The following CDH4 variants were observed in gnomAD, a reference collection of about 807,000 sequenced individuals.
CDH4 encodes cadherin 4, also known as cadherin-4.
A neutral mutation model predicts 86.0 loss-of-function variants in CDH4; 33 were observed. That is an observed-to-expected ratio of 0.38 (90% confidence interval 0.29 to 0.51). CDH4 has a LOEUF of 0.51. Ranked by LOEUF, CDH4 falls within the 20% of genes least tolerant of loss-of-function variation. CDH4 has a pLI of 0.86. For synonymous variants in CDH4, 555 were observed against 549.4 expected, an observed-to-expected ratio of 1.01 and a Z score of -0.14; for missense variants, 1,114 against 1,307.4, an observed-to-expected ratio of 0.85 and a Z score of 2.28.
chr20:61,509,871 A>G (rs2085767189), intron 2 of CDH4, among the ~76,000 whole-genome samples: 1 of 152,098 alleles, frequency 6.6e-6, no homozygotes, highest in South Asian at 2.1e-4. Flanking sequence ...CAAGCTCTCT[A>G]TGCAGCTGGC....
chr20:61,875,917 G>A lies in CDH4; in HGVS notation c.1050+2017G>A, dbSNP rs571706774. Among the ~76,000 whole-genome samples, 15 of 142,928 alleles carry A rather than the reference G, an allele frequency of 1.0e-4. No homozygotes were observed. The South Asian group carries it at 3.1e-3, about 30-fold the overall frequency. 93.8% of individuals were successfully genotyped at this position (142,928 alleles called of 152,430 possible). A position where few individuals can be genotyped will look rare whatever the true frequency, so the allele number is the denominator to read the frequency against. On this transcript the variant is annotated intron_variant, in intron 7 of 15. Transcript: ENST00000614565. ...CCGCCTGCCCTGGGGAGAGAGGGCAGCCCCTGTTTGCGCTCCCCCAACACA... is the reference window on the plus strand; with the variant it reads ...CCGCCTGCCCTGGGGAGAGAGGGCAACCCCTGTTTGCGCTCCCCCAACACA...
intron 8 of CDH4, among the ~76,000 whole-genome samples, chr20:61,898,776 C>G (rs1235563852): frequency 6.6e-6 from 1 of 152,184 alleles, no homozygotes; most frequent in Non-Finnish European, 1.5e-5. Flanking sequence ...TCGTCGGGAG[C>G]ACTGCTGATC....
intron 2 of CDH4, among the ~76,000 whole-genome samples, chr20:61,354,707 T>G (rs998276927): frequency 3.9e-5 from 6 of 152,220 alleles, no homozygotes; most frequent in African/African-American, 1.4e-4. Context: ...CCCACCACAT[T>G]GCTCGGCCAA....
intron 2 of CDH4, among the ~76,000 whole-genome samples, chr20:61,378,270 T>G (rs909637721): frequency 6.6e-6 from 1 of 152,062 alleles, no homozygotes; most frequent in Non-Finnish European, 1.5e-5. Flanking sequence ...AAAAAAAAAT[T>G]TATTGGGATA....
intron 2 of CDH4, among the ~76,000 whole-genome samples, chr20:61,256,383 A>G (rs1202028739): frequency 6.6e-6 from 1 of 152,194 alleles, no homozygotes; most frequent in South Asian, 2.1e-4. Flanking sequence ...CTCTCTTTTT[A>G]TTAATAAATA....
intron 2 of CDH4, among the ~76,000 whole-genome samples, chr20:61,457,754 T>G (rs1443853842): frequency 1.3e-5 from 2 of 148,958 alleles, no homozygotes; most frequent in Non-Finnish European, 3.0e-5. Context: ...GTGGTGGTGG[T>G]AGTCTTATCA....
Position 61,501,633 on chromosome 20 carries a change from A to C in CDH4, c.170-241930A>C, listed in dbSNP as rs2085701845. On this transcript the variant is annotated intron_variant, in intron 2 of 15. Coordinates refer to ENST00000614565, the MANE Select transcript of CDH4 (RefSeq NM_001794.5). The surrounding 1 kb of genome is among the most constrained non-coding windows in gnomAD (Gnocchi z 4.2). ...CCTAACAGAGCTGTGGTGAGACTCA[A>C]AGGCCACACAGAAGCAGCGTGTTCC... 6.6e-6 allele frequency among the ~76,000 whole-genome samples: 1 copy of C among 152,052 alleles called. No individual in the cohort carries two copies. Among genetic ancestry groups the C allele is most frequent in the Non-Finnish European group, 1.5e-5 (1 of 68,010 alleles).
chr20:61,547,099 G>A (rs1296690781), intron 2 of CDH4, among the ~76,000 whole-genome samples: 4 of 151,478 alleles, frequency 2.6e-5, no homozygotes, highest in South Asian at 4.2e-4. Context: ...ACCATAGTGG[G>A]CCATGTACTC....
intron 2 of CDH4, among the ~76,000 whole-genome samples, chr20:61,334,509 G>T (rs6028120): frequency 0.011 from 1,715 of 151,802 alleles, 32 homozygotes; most frequent in African/African-American, 0.039. Context: ...AGGCCGGGGG[G>T]GCTGGGATCA....
At chr20:61,508,028 C>T (rs984035711) in intron 2 of CDH4, among the ~76,000 whole-genome samples, 2 of 152,228 alleles carry the variant, frequency 1.3e-5, no homozygotes, top group Admixed American at 1.3e-4. Flanking sequence ...TGTCTCTGTG[C>T]GCACTGTCGT....
At chr20:61,453,660 T>C (rs1282029414) in intron 2 of CDH4, among the ~76,000 whole-genome samples, 1 of 152,208 alleles carries the variant, frequency 6.6e-6, no homozygotes, top group Admixed American at 6.5e-5. Flanking sequence ...TTTGATTCTA[T>C]GTATTTAAAA....
At chr20:61,916,531 T>C (rs2054905125) in intron 9 of CDH4, among the ~76,000 whole-genome samples, 1 of 152,234 alleles carries the variant, frequency 6.6e-6, no homozygotes, top group African/African-American at 2.4e-5. Context: ...ATTCTCGTTA[T>C]CATCATCATC....
At chr20:61,803,863 A>G (rs1468868644) in intron 4 of CDH4, among the ~76,000 whole-genome samples, 1 of 152,254 alleles carries the variant, frequency 6.6e-6, no homozygotes, top group African/African-American at 2.4e-5. Context: ...GAAGGACAGG[A>G]GAAACGAGAA....
intron 7 of CDH4, among the ~76,000 whole-genome samples, chr20:61,891,639 G>A (rs951357090): frequency 1.3e-5 from 2 of 152,356 alleles, no homozygotes; most frequent in South Asian, 2.1e-4. Context: ...GGAGGGCCCA[G>A]GAGCCAGCGC....
intron 2 of CDH4, among the ~76,000 whole-genome samples, chr20:61,591,598 C>T (rs1037963495): frequency 6.6e-6 from 1 of 152,196 alleles, no homozygotes; most frequent in African/African-American, 2.4e-5. Flanking sequence ...TTCGATGTTA[C>T]TTCAAAAGTC....
At chr20:61,639,214 G>A (rs1469045698) in intron 2 of CDH4, among the ~76,000 whole-genome samples, 3 of 152,182 alleles carry the variant, frequency 2.0e-5, no homozygotes, top group African/African-American at 7.2e-5. Context: ...TGTAGGGCCT[G>A]CCCCTATTTC....
intron 2 of CDH4, among the ~76,000 whole-genome samples, chr20:61,345,529 A>G (rs989685207): frequency 6.6e-6 from 1 of 152,258 alleles, no homozygotes; most frequent in Admixed American, 6.5e-5. Context: ...TTTATGGAAT[A>G]CCCAGGGTGG....
chr20:61,721,330 C>T (rs2088038835), intron 2 of CDH4, among the ~76,000 whole-genome samples: 1 of 152,192 alleles, frequency 6.6e-6, no homozygotes, highest in African/African-American at 2.4e-5. Context: ...TAAGGCCAGG[C>T]ATGGTTGGCC....
intron 2 of CDH4, among the ~76,000 whole-genome samples, chr20:61,651,881 C>T (rs151277807): frequency 0.014 from 2,072 of 152,254 alleles, 46 homozygotes; most frequent in African/African-American, 0.047. Context: ...CGGGGCTGGG[C>T]GTGCCAGGCA....
Sources: gnomAD v4.1 joint callset for allele counts (sites outside exome capture counted in the v4.1 genomes callset) on GRCh38, gnomAD v4.1.1 for gene constraint, Gnocchi (gnomAD v3.1) non-coding constraint, MANE v1.5 for transcripts, NCBI Gene and HGNC (gene_info 2026-07-23, HGNC 2026-07-21) for gene names.